The following ARHGAP11B variants were observed in gnomAD, a reference collection of about 807,000 sequenced individuals.
ARHGAP11B encodes the protein inactive Rho GTPase-activating protein 11B.
ARHGAP11B carries 14 observed loss-of-function variants against 27.6 expected under a neutral mutation model. That is an observed-to-expected ratio of 0.51 (90% confidence interval 0.34 to 0.79). The LOEUF is 0.79. ARHGAP11B is among the 30% of genes least tolerant of loss of function. ARHGAP11B has a pLI of 0.02. For missense variants in ARHGAP11B, 245 were observed against 320.1 expected, an observed-to-expected ratio of 0.77 and a Z score of 1.79; for synonymous variants, 82 against 114.1, an observed-to-expected ratio of 0.72 and a Z score of 1.80.
intron 6 of ARHGAP11B, among the ~76,000 whole-genome samples, chr15:30,637,912 T>G (rs1363059209): frequency 6.7e-6 from 1 of 149,726 alleles, no homozygotes; most frequent in African/African-American, 2.5e-5. Context: ...CTCCACCTCC[T>G]GGGTTCAAGC....
intron 7 of ARHGAP11B, 93 bp downstream of exon 7, chr15:30,638,903 C>T: frequency 1.4e-6 from 1 of 710,544 alleles, no homozygotes; most frequent in South Asian, 3.0e-5. Flanking sequence ...AATTGCCTAA[C>T]TTAGTAATCA....
At chr15:30,647,947 CTT>C (rs1004453356) in intron 10 of ARHGAP11B, among the ~76,000 whole-genome samples, 2 of 151,930 alleles carry the variant, frequency 1.3e-5, no homozygotes, top group Non-Finnish European at 2.9e-5. Flanking sequence ...CTCCTGGAAA[CTT>C]TATTAACTGT....
Position 30,633,487 on chromosome 15 carries a change from C to T in ARHGAP11B, c.201-3C>T, listed in dbSNP as rs761844361. 5 of 1,608,072 alleles carry T rather than the reference C, an allele frequency of 3.1e-6. No individual in the cohort carries two copies. The highest frequency in any genetic ancestry group is 4.2e-6 in the Non-Finnish European group (5 of 1,177,866). On this transcript the variant is annotated splice_region_variant and splice_polypyrimidine_tract_variant and intron_variant, in intron 2 of 10. Coordinates refer to ENST00000428041, the Ensembl canonical transcript of ARHGAP11B. ...TAGCCACCTGAAAAAATCTCTCTTT[C>T]AGCTTTCTTGTCGATGCTTGCACAT...
At chr15:30,638,053 C>G (rs2060292573) in intron 6 of ARHGAP11B, among the ~76,000 whole-genome samples, 1 of 150,844 alleles carries the variant, frequency 6.6e-6, no homozygotes, top group African/African-American at 2.4e-5. Flanking sequence ...CTCCGGACAT[C>G]AAGTAATCTG....
In ARHGAP11B at chr15:30,631,830, A is replaced by G. The variant is rs2060247947; in HGVS notation, c.200+1057A>G. On this transcript the variant is annotated intron_variant, in intron 2 of 10. Coordinates refer to ENST00000428041, the Ensembl canonical transcript of ARHGAP11B. ...AGACAGAGTTTCGCTCTTGTCGCCCAGGCTGGAGTGCAATGGCGTGATCTC... is the reference window on the plus strand; with the variant it reads ...AGACAGAGTTTCGCTCTTGTCGCCCGGGCTGGAGTGCAATGGCGTGATCTC... 2.9e-5 allele frequency among the ~76,000 whole-genome samples: 4 copies of G among 136,342 alleles called. No individual in the cohort carries two copies. In the South Asian group the frequency reaches 9.0e-4, roughly 31 times the overall value. The allele number at this position is 136,342 out of a possible 152,430, so 89.4% of individuals were successfully genotyped here.
At chr15:30,641,678 A>G (rs2060316460) in intron 7 of ARHGAP11B, 1 of 152,052 alleles carries the variant, frequency 6.6e-6, no homozygotes, top group South Asian at 2.1e-4. Context: ...GCATTGTTCC[A>G]TATATTCTGA....
At position 30,632,220 on chromosome 15, in the gene ARHGAP11B, A is replaced by G. The variant is rs186892952; in HGVS notation, c.201-1270A>G. 5.8e-3 allele frequency among the ~76,000 whole-genome samples: 320 copies of G among 55,194 alleles called. 9 individuals are homozygous for G. The highest frequency in any genetic ancestry group is 0.025 in the African/African-American group (299 of 11,778). 36.2% of individuals were successfully genotyped at this position (55,194 alleles called of 152,430 possible). On this transcript the variant is annotated intron_variant, in intron 2 of 10. Coordinates refer to ENST00000428041, the Ensembl canonical transcript of ARHGAP11B. ...TGGATTGCTTGAGCCCAGGAGTTCA[A>G]GACAAGCCTGGGCAACATGGTGAAA...
rs578030103 is a variant in ARHGAP11B, at chr15:30,633,973, C to T, written c.298-197C>T. On this transcript the variant is annotated intron_variant, in intron 3 of 10. Coordinates refer to ENST00000428041, the Ensembl canonical transcript of ARHGAP11B. Reference sequence around the variant, plus strand: ...CTGGGAGTTTGAAGCCAGCCCAGGCCACATAGTCTGTGCCACATTTCTATA... The same window carrying T: ...CTGGGAGTTTGAAGCCAGCCCAGGCTACATAGTCTGTGCCACATTTCTATA... Among the ~76,000 whole-genome samples the T allele has an allele frequency of 1.7e-3, 261 of 150,452 alleles. 2 individuals are homozygous for T. The highest frequency in any genetic ancestry group is 3.3e-3 in the Non-Finnish European group (221 of 67,588).
At chr15:30,644,012 CCAT>C (rs1462696320) in intron 7 of ARHGAP11B, among the ~76,000 whole-genome samples, 2 of 152,038 alleles carry the variant, frequency 1.3e-5, no homozygotes, top group East Asian at 3.9e-4. Flanking sequence ...TCTGATATAA[CCAT>C]AAAGTTCCAG....
At chr15:30,644,321 C>T (rs757219337) in intron 7 of ARHGAP11B, among the ~76,000 whole-genome samples, 8 of 151,940 alleles carry the variant, frequency 5.3e-5, no homozygotes, top group South Asian at 2.1e-4. Flanking sequence ...TACCTTGGCA[C>T]GGTACCCAAT....
At chr15:30,627,042 G>T in intron 1 of ARHGAP11B, 93 bp downstream of exon 1, 1 of 1,550,246 alleles carries the variant, frequency 6.5e-7, no homozygotes, top group Non-Finnish European at 8.7e-7. Context: ...TTCACTCTGT[G>T]TATCAAAAAG....
At chr15:30,636,667 C>T (rs941921134) in intron 6 of ARHGAP11B, among the ~76,000 whole-genome samples, 1 of 152,160 alleles carries the variant, frequency 6.6e-6, no homozygotes, top group African/African-American at 2.4e-5. Context: ...AAATTTGTCT[C>T]ACCGTTCTGG....
intron 10 of ARHGAP11B, among the ~76,000 whole-genome samples, chr15:30,648,029 G>A (rs2060362009): frequency 1.3e-5 from 2 of 151,870 alleles, no homozygotes; most frequent in African/African-American, 4.8e-5. Flanking sequence ...CAACTCCTGG[G>A]CTCAAGTGAT....
chr15:30,629,241 A>C (rs2060228658), intron 1 of ARHGAP11B, among the ~76,000 whole-genome samples: 1 of 152,028 alleles, frequency 6.6e-6, no homozygotes, highest in Admixed American at 6.6e-5. Flanking sequence ...TACAAGAGTT[A>C]AGATGTAAAA....
chr15:30,627,876 T>C (rs941488851), intron 1 of ARHGAP11B, among the ~76,000 whole-genome samples: 5 of 151,910 alleles, frequency 3.3e-5, no homozygotes, highest in Admixed American at 6.6e-5. Context: ...AATATGTGTG[T>C]CTCTTAATCG....
intron 1 of ARHGAP11B, 68 bp downstream of exon 1, chr15:30,627,017 G>A (rs931481879): frequency 1.3e-6 from 2 of 1,599,680 alleles, no homozygotes; most frequent in Admixed American, 1.7e-5. Context: ...CTTATTAGCA[G>A]ATCGTGCTAA....
rs1220564652 is a variant in ARHGAP11B at position 30,634,993 on chromosome 15, A to G, written c.552-87A>G. On this transcript the variant is annotated intron_variant, in intron 4 of 10. Transcript: ENST00000428041. ...TTGACTTGTGTATGACTGATAATAA[A>G]GTCTTCAAAATGTACTACATACGTT... is the stretch of plus-strand genomic sequence containing the variant. 25 of 1,463,262 alleles carry G rather than the reference A, an allele frequency of 1.7e-5. No individual in the cohort carries two copies. In the Admixed American group the frequency reaches 1.9e-4, roughly 11 times the overall value. 90.6% of individuals were successfully genotyped at this position (1,463,262 alleles called of 1,614,324 possible). A position where few individuals can be genotyped will look rare whatever the true frequency, so the allele number is the denominator to read the frequency against.
chr15:30,629,373 C>G (rs868659419), intron 1 of ARHGAP11B, among the ~76,000 whole-genome samples: 4 of 150,210 alleles, frequency 2.7e-5, no homozygotes, highest in Admixed American at 1.3e-4. Context: ...GAACCCCCCC[C>G]GCCCCACGTC....
At chr15:30,637,462 C>G (rs954218181) in intron 6 of ARHGAP11B, among the ~76,000 whole-genome samples, 3 of 152,058 alleles carry the variant, frequency 2.0e-5, no homozygotes, top group Non-Finnish European at 4.4e-5. Flanking sequence ...TGGCCGGGTG[C>G]GATGGCTTAC....
Sources: allele counts gnomAD v4.1 joint callset (sites outside exome capture counted in the v4.1 genomes callset), GRCh38; gene constraint gnomAD v4.1.1; transcripts MANE v1.5; gene names NCBI Gene and HGNC (gene_info 2026-07-23, HGNC 2026-07-21).